ZNF469: variants seen among roughly 807,000 people sequenced by gnomAD.
The protein encoded by ZNF469 is zinc finger protein 469.
In ZNF469, 1 loss-of-function variant was observed where a neutral mutation model predicts 1.0. The ratio of observed to expected loss-of-function variants is 1.00; its 90% confidence interval spans 0.35 to 4.73. The LOEUF (loss-of-function observed/expected upper bound fraction) is 4.73. ZNF469 is among the 30% of genes most tolerant of loss of function. The probability of loss-of-function intolerance (pLI) is 0.16; values close to 1 mark genes in which losing one functional copy is unlikely to be tolerated. For missense variants in ZNF469, 6,100 were observed against 5,356.3 expected (o/e 1.14, Z -4.33); for synonymous variants, 2,703 against 2,363.4 (o/e 1.14, Z -4.17).
At chr16:88,271,845 G>C in the ZNF469 span, among the ~76,000 whole-genome samples, 1 of 152,122 alleles carries the variant, frequency 6.6e-6, no homozygotes, top group African/African-American at 2.4e-5. Flanking sequence ...TGGGTAGATG[G>C]ATGAATTGTG....
the ZNF469 span, among the ~76,000 whole-genome samples, chr16:88,170,191 A>G: frequency 6.6e-6 from 1 of 152,212 alleles, no homozygotes; most frequent in Non-Finnish European, 1.5e-5. The surrounding 1 kb of genome is among the most constrained non-coding windows in gnomAD (Gnocchi z 4.2). Flanking sequence ...AATAGAGTTA[A>G]GGCATGTAAT....
At chr16:88,257,818 C>A in the ZNF469 span, among the ~76,000 whole-genome samples, 1 of 152,148 alleles carries the variant, frequency 6.6e-6, no homozygotes. Context: ...TGCTTCTATC[C>A]ATAGGGCTGA....
chr16:88,204,096 G>A, the ZNF469 span, among the ~76,000 whole-genome samples: 6 of 150,942 alleles, frequency 4.0e-5, no homozygotes, highest in Non-Finnish European at 5.9e-5. Context: ...TAGAGCAGCC[G>A]GAGGTGCCCC....
the ZNF469 span, among the ~76,000 whole-genome samples, chr16:88,120,668 G>A: frequency 2.6e-5 from 4 of 152,220 alleles, no homozygotes; most frequent in Admixed American, 6.5e-5. Context: ...CGCGGCTCCC[G>A]GGCGGGCCTC....
the ZNF469 span, among the ~76,000 whole-genome samples, chr16:88,193,039 G>GGT: frequency 7.6e-6 from 1 of 132,394 alleles, no homozygotes. Flanking sequence ...GGTGGTGATG[G>GGT]TGGTGGTGAT....
Position 88,430,140 on chromosome 16 carries a change from G to A in ZNF469, c.2670G>A (p.Gly890=), listed in dbSNP as rs1273154461. 2.6e-6 allele frequency: 4 copies of A among 1,550,098 alleles called. No individual in the cohort carries two copies. The highest frequency in any genetic ancestry group is 3.5e-6 in the Non-Finnish European group (4 of 1,146,878). The change falls in exon 3 of 3, where the codon GGG becomes GGA. Residue 890 remains glycine, a synonymous_variant. Coordinates refer to ENST00000565624, the MANE Select transcript of ZNF469 (RefSeq NM_001367624.2). ...SSGHPLKSKA[G]VTPESKAPPP... ...GACACCCCCTTAAGAGCAAGGCGGG[G>A]GTGACTCCAGAGAGCAAAGCTCCGC...
At chr16:88,176,872 C>T in the ZNF469 span, among the ~76,000 whole-genome samples, 152 of 152,328 alleles carry the variant, frequency 1.0e-3, no homozygotes, top group Admixed American at 2.7e-3. Flanking sequence ...CAGCACGGAA[C>T]ACGTACGGGA....
At chr16:88,243,924 ATATATATATATATATATATATATAT>A in the ZNF469 span, among the ~76,000 whole-genome samples, 1 of 85,440 alleles carries the variant, frequency 1.2e-5, no homozygotes, top group Non-Finnish European at 2.3e-5. Flanking sequence ...ATATATATAT[ATATATATATATATATATATATATAT>A]ATAAATGTAT....
the ZNF469 span, chr16:88,179,005 A>T: frequency 6.6e-6 from 1 of 151,978 alleles, no homozygotes; most frequent in Non-Finnish European, 1.5e-5. Context: ...GCACCCCAAC[A>T]CATCTCTACC....
chr16:88,147,017 C>T, the ZNF469 span, among the ~76,000 whole-genome samples: 1 of 152,138 alleles, frequency 6.6e-6, no homozygotes, highest in Non-Finnish European at 1.5e-5. Context: ...CATCCATGTC[C>T]TGATCCCTGG....
chr16:88,393,319 T>C (rs1204291401), intron 1 of ZNF469, among the ~76,000 whole-genome samples: 1 of 152,178 alleles, frequency 6.6e-6, no homozygotes, highest in Non-Finnish European at 1.5e-5. Flanking sequence ...GGCATCCGAT[T>C]GTTAGCTGAG....
At chr16:88,368,329 C>A in the ZNF469 span, among the ~76,000 whole-genome samples, 1 of 152,248 alleles carries the variant, frequency 6.6e-6, no homozygotes, top group African/African-American at 2.4e-5. Context: ...GGCCTGGACG[C>A]CATCCCTGAG....
Position 88,437,643 on chromosome 16 carries a change from G to A in ZNF469, c.10173G>A (p.Leu3391=). 1 of 1,543,184 alleles carries A rather than the reference G, an allele frequency of 6.5e-7. No individual in the cohort carries two copies. The highest frequency in any genetic ancestry group is 8.8e-7 in the Non-Finnish European group (1 of 1,141,750). Residue 3391 remains leucine, a synonymous_variant, in exon 3 of 3, where the codon CTG becomes CTA. Transcript: ENST00000565624. ...ACCTGGGCGGGGCGCACGGGCTGCT[G>A]GAGCGGCCGGAGCTGCAGCACACGC... ...LAHLGGAHGL[L]ERPELQHTPL... is the part of the protein sequence containing the mutation.
At chr16:88,331,517 C>A in the ZNF469 span, among the ~76,000 whole-genome samples, 6 of 123,716 alleles carry the variant, frequency 4.8e-5, no homozygotes, top group African/African-American at 1.2e-4. Flanking sequence ...CACCATCATC[C>A]TCATCACTAC....
At chr16:88,202,771 G>GT in the ZNF469 span, among the ~76,000 whole-genome samples, 973 of 152,304 alleles carry the variant, frequency 6.4e-3, 16 homozygotes, top group South Asian at 0.054. Context: ...TCTGCTCTGG[G>GT]TCAGCACTGG....
chr16:88,117,010 C>T, the ZNF469 span, among the ~76,000 whole-genome samples: 4 of 152,058 alleles, frequency 2.6e-5, no homozygotes, highest in South Asian at 2.1e-4. Context: ...TGCAGAGCTA[C>T]GAGAATCTGA....
At chr16:88,354,945 G>A in the ZNF469 span, among the ~76,000 whole-genome samples, 1 of 152,196 alleles carries the variant, frequency 6.6e-6, no homozygotes, top group African/African-American at 2.4e-5. Context: ...GCAGGGGGCT[G>A]AGAAGAGACT....
At chr16:88,175,462 TAAG>T in the ZNF469 span, among the ~76,000 whole-genome samples, 117 of 152,310 alleles carry the variant, frequency 7.7e-4, no homozygotes, top group Non-Finnish European at 1.3e-3. Flanking sequence ...CCACTAAATT[TAAG>T]AAGATTAAAA....
chr16:88,325,170 G>GT, the ZNF469 span, among the ~76,000 whole-genome samples: 1 of 118,876 alleles, frequency 8.4e-6, no homozygotes, highest in African/African-American at 3.1e-5. Flanking sequence ...CATACACAGG[G>GT]CCTCAAGTCC....
Sources: gnomAD v4.1 joint callset for allele counts (sites outside exome capture counted in the v4.1 genomes callset) on GRCh38, gnomAD v4.1.1 for gene constraint, Gnocchi (gnomAD v3.1) non-coding constraint, MANE v1.5 for transcripts, NCBI Gene and HGNC (gene_info 2026-07-23, HGNC 2026-07-21) for gene names.